The following RCBTB1 variants were observed in gnomAD, a reference collection of about 807,000 sequenced individuals.
RCBTB1 encodes RCC1 and BTB domain-containing protein 1.
Under a neutral mutation model 62.4 loss-of-function variants are expected in RCBTB1, and 46 were observed. The ratio of observed to expected loss-of-function variants is 0.74; its 90% CI spans 0.58 to 0.94. The LOEUF (loss-of-function observed/expected upper bound fraction) is 0.94. Ranked by LOEUF, RCBTB1 falls within the 40% of genes least tolerant of loss-of-function variation. The pLI is 0.00. For missense variants in RCBTB1, 565 were observed against 654.9 expected (o/e 0.86, Z 1.50); for synonymous variants, 222 against 245.8 (o/e 0.90, Z 0.91).
At chr13:49,543,454 T>C (rs1286781122) in intron 10 of RCBTB1, among the ~76,000 whole-genome samples, 1 of 152,222 alleles carries the variant, frequency 6.6e-6, no homozygotes, top group African/African-American at 2.4e-5. Flanking sequence ...CCAGTTCATC[T>C]TTTCAATTAA....
At chr13:49,568,915 G>C (rs903142292) in intron 2 of RCBTB1, among the ~76,000 whole-genome samples, 1 of 152,160 alleles carries the variant, frequency 6.6e-6, no homozygotes, top group Admixed American at 6.5e-5. Context: ...GTGACAGAGC[G>C]AGACTCTGTC....
At chr13:49,574,272 C>T (rs1001416116) in intron 2 of RCBTB1, among the ~76,000 whole-genome samples, 11 of 151,264 alleles carry the variant, frequency 7.3e-5, no homozygotes, top group Non-Finnish European at 1.2e-4. Context: ...GTGTGCACCA[C>T]CACGCCTGGC....
At chr13:49,546,222 C>G in intron 9 of RCBTB1, 1 of 985,462 alleles carries the variant, frequency 1.0e-6, no homozygotes, top group Non-Finnish European at 1.2e-6. Context: ...CTCCTCTTTG[C>G]TCCTGGCAAC....
In RCBTB1 at chr13:49,579,346, G is replaced by A. The variant is rs539329504; in HGVS notation, c.-42+1159C>T. ...GTACTACAAGAATGAAAGGGAGGCC[G>A]GGCGTGGTGGCTCACACCTGTAATC... On this transcript the variant is annotated intron_variant, in intron 2 of 12. Coordinates refer to ENST00000378302, the MANE Select transcript of RCBTB1 (RefSeq NM_018191.4). Among the ~76,000 whole-genome samples, 123 of 152,212 alleles carry A rather than the reference G, an allele frequency of 8.1e-4. 1 individual carries two copies. The highest frequency in any genetic ancestry group is 2.2e-3 in the African/African-American group (91 of 41,542).
chr13:49,566,558 GCTTAGAATTAACCGGTCAATTT>G, intron 4 of RCBTB1, 38 bp downstream of exon 4: 1 of 1,532,118 alleles, frequency 6.5e-7, no homozygotes, highest in Non-Finnish European at 8.9e-7. Flanking sequence ...TCTCCCCTAA[GCTTAGAATTAACCGGTCAATTT>G]CTTACAAACT....
intron 9 of RCBTB1, 59 bp downstream of exon 9, chr13:49,549,399 A>G: frequency 6.7e-7 from 1 of 1,503,574 alleles, no homozygotes; most frequent in Middle Eastern, 2.3e-4. Context: ...AGACACAGGA[A>G]AACTGGTCAG....
chr13:49,585,079 C>T (rs1964319254), intron 1 of RCBTB1, among the ~76,000 whole-genome samples: 1 of 152,182 alleles, frequency 6.6e-6, no homozygotes, highest in South Asian at 2.1e-4. Flanking sequence ...TAGGAAGAGT[C>T]GGAGGGGAGA....
chr13:49,576,006 G>A (rs1477792937), intron 2 of RCBTB1, among the ~76,000 whole-genome samples: 1 of 151,932 alleles, frequency 6.6e-6, no homozygotes, highest in South Asian at 2.1e-4. Flanking sequence ...CTAACACGGT[G>A]AAACCTCGTC....
At position 49,567,171 on chromosome 13, in the gene RCBTB1, C is replaced by A. The variant is rs766226482; in HGVS notation, c.109G>T (p.Val37Phe). ...ACTCTTACCTCATCATTGTCAGTAA[C>A]GTACAGTGCTTCACTGGCTGAGGTG... ...FGTSASEALYVTDNDEVFVFG... is the reference protein window; with the variant it reads ...FGTSASEALYFTDNDEVFVFG... The change falls in exon 3 of 13, where the codon GTT becomes TTT. Residue 37 changes from valine (V) to phenylalanine (F), a missense_variant. Transcript: ENST00000378302. The A allele has an allele frequency of 5.0e-6, 8 of 1,613,942 alleles. No homozygotes were observed. The highest frequency in any genetic ancestry group is 1.1e-5 in the South Asian group (1 of 91,082).
intron 4 of RCBTB1, among the ~76,000 whole-genome samples, chr13:49,565,406 GC>G (rs1420967469): frequency 1.3e-5 from 2 of 152,086 alleles, no homozygotes. Flanking sequence ...CTCCCAAAGT[GC>G]CGAGATTGCA....
At chr13:49,563,913 C>G (rs1454759821) in intron 4 of RCBTB1, among the ~76,000 whole-genome samples, 1 of 152,208 alleles carries the variant, frequency 6.6e-6, no homozygotes, top group Non-Finnish European at 1.5e-5. Context: ...ATTCCTCAGT[C>G]TAGACAAAGA....
chr13:49,545,243 C>A (rs569390099), intron 9 of RCBTB1, among the ~76,000 whole-genome samples: 2 of 152,208 alleles, frequency 1.3e-5, no homozygotes, highest in East Asian at 1.9e-4. Context: ...CTAAGAATAT[C>A]TTTTTTCTGC....
At chr13:49,534,528 A>G (rs1035283924) in intron 12 of RCBTB1, among the ~76,000 whole-genome samples, 15 of 151,308 alleles carry the variant, frequency 9.9e-5, no homozygotes, top group African/African-American at 3.4e-4. Context: ...ACACACACAC[A>G]CGCAAGATCT....
chr13:49,541,128 GA>G, intron 11 of RCBTB1, 122 bp from the exon 12 acceptor site: 1 of 734,646 alleles, frequency 1.4e-6, no homozygotes, highest in Non-Finnish European at 2.1e-6. Flanking sequence ...ATAAGATTCT[GA>G]ATTTGAGTAA....
At chr13:49,538,766 C>G (rs1349504133) in intron 12 of RCBTB1, among the ~76,000 whole-genome samples, 1 of 151,438 alleles carries the variant, frequency 6.6e-6, no homozygotes, top group Non-Finnish European at 1.5e-5. Flanking sequence ...TATACACACA[C>G]ACACACATAT....
chr13:49,536,760 TGTTTATGAC>T (rs1220151531), intron 12 of RCBTB1, among the ~76,000 whole-genome samples: 2 of 152,234 alleles, frequency 1.3e-5, no homozygotes, highest in Non-Finnish European at 2.9e-5. Flanking sequence ...AACTAAACTC[TGTTTATGAC>T]GTTATGTGGC....
intron 12 of RCBTB1, among the ~76,000 whole-genome samples, chr13:49,535,146 A>G (rs939457406): frequency 2.6e-5 from 4 of 152,192 alleles, no homozygotes; most frequent in Non-Finnish European, 5.9e-5. Context: ...CTAATATCTC[A>G]GAACATCACC....
At chr13:49,569,172 C>T (rs1963227634) in intron 2 of RCBTB1, among the ~76,000 whole-genome samples, 1 of 152,190 alleles carries the variant, frequency 6.6e-6, no homozygotes, top group Non-Finnish European at 1.5e-5. Flanking sequence ...CACTGTCAGC[C>T]TTTTGTGCAA....
chr13:49,561,214 C>T (rs1163283727), intron 4 of RCBTB1, among the ~76,000 whole-genome samples: 1 of 152,160 alleles, frequency 6.6e-6, no homozygotes, highest in Non-Finnish European at 1.5e-5. Context: ...CACTCAAGGG[C>T]AACAGCAGAA....
Sources: allele counts gnomAD v4.1 joint callset (sites outside exome capture counted in the v4.1 genomes callset), GRCh38; gene constraint gnomAD v4.1.1; transcripts MANE v1.5; gene names NCBI Gene and HGNC (gene_info 2026-07-23, HGNC 2026-07-21).